The following PSPC1 variants were observed in gnomAD, a reference collection of about 807,000 sequenced individuals.
PSPC1 encodes the protein paraspeckle protein 1.
A neutral mutation model predicts 51.6 loss-of-function variants in PSPC1; 14 were observed. That is an observed-to-expected ratio of 0.27 (90% CI 0.18 to 0.42). The LOEUF (loss-of-function observed/expected upper bound fraction) is 0.42, where lower values mean the gene tolerates loss of function less well. Ranked by LOEUF, PSPC1 falls within the 10% of genes least tolerant of loss-of-function variation. PSPC1 has a pLI of 1.00. For synonymous variants in PSPC1, 193 were observed against 231.9 expected (o/e 0.83, Z 1.53); for missense variants, 406 against 701.1 (o/e 0.58, Z 4.75).
At chr13:19,744,225 A>G (rs1284884700) in intron 4 of PSPC1, among the ~76,000 whole-genome samples, 1 of 152,044 alleles carries the variant, frequency 6.6e-6, no homozygotes, top group African/African-American at 2.4e-5. Flanking sequence ...AGCCTCAAAA[A>G]CCTGGGCTCA....
At chr13:19,700,729 T>TCA (rs1233659559), downstream of PSPC1, among the ~76,000 whole-genome samples, 3 of 152,048 alleles carry the variant, frequency 2.0e-5, no homozygotes, top group African/African-American at 7.2e-5. Flanking sequence ...ACACAAACTA[T>TCA]CATAATATTG....
chr13:19,736,414 T>G (rs1298321010), intron 5 of PSPC1, among the ~76,000 whole-genome samples: 3 of 152,096 alleles, frequency 2.0e-5, no homozygotes, highest in Non-Finnish European at 4.4e-5. Flanking sequence ...CCACGCACAG[T>G]GGCTCAAGCC....
chr13:19,741,273 A>G (rs905330080), intron 5 of PSPC1, among the ~76,000 whole-genome samples: 2 of 152,230 alleles, frequency 1.3e-5, no homozygotes, highest in African/African-American at 4.8e-5. Flanking sequence ...CAACGCAAAT[A>G]TATCCATCTC....
At chr13:19,771,777 C>T (rs1039171715) in intron 2 of PSPC1, among the ~76,000 whole-genome samples, 5 of 152,002 alleles carry the variant, frequency 3.3e-5, no homozygotes, top group Non-Finnish European at 5.9e-5. Context: ...TGCACCACCA[C>T]GCCCGGCTAA....
chr13:19,764,110 C>A (rs1887836151), intron 2 of PSPC1, among the ~76,000 whole-genome samples: 1 of 151,982 alleles, frequency 6.6e-6, no homozygotes, highest in East Asian at 1.9e-4. Flanking sequence ...AATTTATTTA[C>A]AAAAAAACTT....
In PSPC1 at chr13:19,782,931, C is replaced by T; in HGVS notation, c.-174G>A. On this transcript the variant is annotated 5_prime_UTR_variant, in exon 1 of 9. Transcript: ENST00000338910. This position sits in a 1 kb window ranked among gnomAD's most constrained non-coding sequence, Gnocchi z 4.5. ...CCCCAACTCACGCCCGCTGCAGCTGCACATTCAAAATGGCGCTGCCACAAA... is the reference window on the plus strand; with the variant it reads ...CCCCAACTCACGCCCGCTGCAGCTGTACATTCAAAATGGCGCTGCCACAAA... 1 of 619,538 alleles carries T rather than the reference C, an allele frequency of 1.6e-6. No individual in the cohort carries two copies. The highest frequency in any genetic ancestry group is 3.2e-5 in the East Asian group (1 of 31,610). 38.4% of individuals were successfully genotyped at this position (619,538 alleles called of 1,614,324 possible).
chr13:19,710,757 TACA>T (rs1164761536), intron 6 of PSPC1, among the ~76,000 whole-genome samples: 1 of 152,106 alleles, frequency 6.6e-6, no homozygotes, highest in African/African-American at 2.4e-5. Context: ...GAAGCTACGG[TACA>T]ACAAAAACAC....
chr13:19,685,077 ACAG>A (rs1190632599), intron 6 of PSPC1, among the ~76,000 whole-genome samples: 1 of 152,252 alleles, frequency 6.6e-6, no homozygotes, highest in East Asian at 1.9e-4. Flanking sequence ...TTAATAGGTA[ACAG>A]AAAAACAAAG....
At chr13:19,686,766 C>T (rs1416928604) in intron 6 of PSPC1, among the ~76,000 whole-genome samples, 14 of 152,094 alleles carry the variant, frequency 9.2e-5, no homozygotes, top group Admixed American at 7.9e-4. Context: ...ATTTCTAGAT[C>T]TCAAGGAGGA....
chr13:19,767,512 A>G (rs972355728), intron 2 of PSPC1, among the ~76,000 whole-genome samples: 2 of 152,166 alleles, frequency 1.3e-5, no homozygotes, highest in Admixed American at 6.6e-5. Context: ...GAACCTAAAT[A>G]GCCAAAAAAA....
chr13:19,719,849 T>C (rs548769524), intron 6 of PSPC1, among the ~76,000 whole-genome samples: 7 of 152,130 alleles, frequency 4.6e-5, no homozygotes, highest in Admixed American at 6.5e-5. Context: ...AAGCTTCTAT[T>C]TGGCTGAGAT....
chr13:19,751,783 C>T (rs1886578191), intron 3 of PSPC1, among the ~76,000 whole-genome samples: 1 of 152,204 alleles, frequency 6.6e-6, no homozygotes, highest in Non-Finnish European at 1.5e-5. Flanking sequence ...ACAGGCCGGG[C>T]GCAGTGGCTC....
At chr13:19,674,673 G>A (rs1047964720), downstream of PSPC1, 1 of 152,272 alleles carries the variant, frequency 6.6e-6, no homozygotes, top group Non-Finnish European at 1.5e-5. Context: ...GGAGCTCAAG[G>A]AGGATGATTA....
chr13:19,766,889 C>T (rs1193324144), intron 2 of PSPC1, among the ~76,000 whole-genome samples: 1 of 150,980 alleles, frequency 6.6e-6, no homozygotes, highest in Admixed American at 6.6e-5. Flanking sequence ...AGGACAAGAA[C>T]AATGGCTCAC....
rs924332502 is a variant in PSPC1, at chr13:19,765,359, T to C, written c.675-5941A>G. Among the ~76,000 whole-genome samples, 7 of 147,656 alleles carry C rather than the reference T, an allele frequency of 4.7e-5. No individual in the cohort carries two copies. In the South Asian group the frequency reaches 8.4e-4, roughly 18 times the overall value. The stretch of plus-strand genomic sequence containing the variant: ...TAATAATAATAATTATTATTATTAT[T>C]ATTATTACCAGGATGACGATATTAA... On this transcript the variant is annotated intron_variant, in intron 2 of 8. Transcript: ENST00000338910.
intron 4 of PSPC1, among the ~76,000 whole-genome samples, chr13:19,750,345 T>C (rs1166266480): frequency 1.3e-5 from 2 of 151,746 alleles, no homozygotes; most frequent in South Asian, 2.1e-4. Context: ...GGCAGGAGAA[T>C]TGCTTGAACC....
chr13:19,713,067 C>A (rs1881634291), intron 6 of PSPC1, among the ~76,000 whole-genome samples: 1 of 152,164 alleles, frequency 6.6e-6, no homozygotes, highest in Non-Finnish European at 1.5e-5. Flanking sequence ...TGAGGAAATT[C>A]ACAACTGTGT....
downstream of PSPC1, among the ~76,000 whole-genome samples, chr13:19,700,838 T>A (rs1476430924): frequency 6.6e-6 from 1 of 152,186 alleles, no homozygotes; most frequent in African/African-American, 2.4e-5. Flanking sequence ...CTGAATTTCC[T>A]CTTTATTTTT....
chr13:19,781,486 G>A (rs893680385), intron 1 of PSPC1, among the ~76,000 whole-genome samples: 1 of 152,122 alleles, frequency 6.6e-6, no homozygotes, highest in Non-Finnish European at 1.5e-5. Flanking sequence ...ATATGTATCA[G>A]TAATTTATGA....
Sources: allele counts gnomAD v4.1 joint callset (sites outside exome capture counted in the v4.1 genomes callset), GRCh38; gene constraint gnomAD v4.1.1; non-coding constraint Gnocchi (gnomAD v3.1); transcripts MANE v1.5; gene names NCBI Gene and HGNC (gene_info 2026-07-23, HGNC 2026-07-21).